AGBL4: variants seen among roughly 807,000 people sequenced by gnomAD.
The protein encoded by AGBL4 is AGBL carboxypeptidase 4.
In AGBL4, 58 loss-of-function variants were observed where a neutral mutation model predicts 66.4. The ratio of observed to expected loss-of-function variants is 0.87; its 90% CI spans 0.71 to 1.09. The LOEUF (loss-of-function observed/expected upper bound fraction) is 1.09, where lower values mean the gene tolerates loss of function less well. AGBL4 is among the 50% of genes least tolerant of loss of function. The pLI, the probability that AGBL4 is intolerant of heterozygous loss-of-function variation, is 0.00. For missense variants in AGBL4, 579 were observed against 631.0 expected, an observed-to-expected ratio of 0.92 and a Z score of 0.88; for synonymous variants, 234 against 222.9, an observed-to-expected ratio of 1.05 and a Z score of -0.44.
At chr1:49,595,785 T>C (rs775309747) in intron 3 of AGBL4, among the ~76,000 whole-genome samples, 8 of 152,206 alleles carry the variant, frequency 5.3e-5, no homozygotes, top group Non-Finnish European at 1.2e-4. Context: ...ATACAGTTTT[T>C]GTCAGCAACA....
At chr1:48,525,019 A>G in the AGBL4 span, among the ~76,000 whole-genome samples, 1 of 152,142 alleles carries the variant, frequency 6.6e-6, no homozygotes, top group Non-Finnish European at 1.5e-5. Flanking sequence ...CAGCATCACC[A>G]AAATGTTCTG....
intron 6 of AGBL4, among the ~76,000 whole-genome samples, chr1:48,750,576 T>G (rs1651544413): frequency 6.6e-6 from 1 of 152,206 alleles, no homozygotes; most frequent in Admixed American, 6.5e-5. Flanking sequence ...TGTCTGCTGT[T>G]GAGACTGTGA....
At position 49,215,100 on chromosome 1, in the gene AGBL4, T is replaced by G. The variant is rs188220930; in HGVS notation, c.377+30670A>C. On this transcript the variant is annotated intron_variant, in intron 4 of 13. Coordinates refer to ENST00000371839, the MANE Select transcript of AGBL4 (RefSeq NM_032785.4). ...TTATATGTAGATTCATGATTTTTTT[T>G]GTCTCTCAGGAGAGCCACAAGGAAC... 1.4e-4 allele frequency among the ~76,000 whole-genome samples: 21 copies of G among 152,258 alleles called. No homozygotes were observed. The East Asian group carries it at 3.9e-3, about 28-fold the overall frequency.
At chr1:49,625,855 G>A (rs1645454364) in intron 3 of AGBL4, among the ~76,000 whole-genome samples, 1 of 152,106 alleles carries the variant, frequency 6.6e-6, no homozygotes, top group Admixed American at 6.6e-5. Context: ...TATCAACAAA[G>A]GGGAATTTAA....
intron 2 of AGBL4, among the ~76,000 whole-genome samples, chr1:49,848,105 A>C (rs947924124): frequency 3.3e-5 from 5 of 152,212 alleles, no homozygotes; most frequent in Non-Finnish European, 7.3e-5. Flanking sequence ...ATTAAAAAGC[A>C]AAAAAATAAT....
chr1:49,938,305 G>C (rs1311728654), intron 1 of AGBL4, among the ~76,000 whole-genome samples: 2 of 152,088 alleles, frequency 1.3e-5, no homozygotes, highest in African/African-American at 4.8e-5. Flanking sequence ...GGAAGAAGTT[G>C]AATCCCTGAA....
chr1:48,745,619 C>A, intron 6 of AGBL4, among the ~76,000 whole-genome samples: 1 of 152,236 alleles, frequency 6.6e-6, no homozygotes, highest in South Asian at 2.1e-4. Flanking sequence ...AACATTCTAC[C>A]CCTAGAGATG....
chr1:49,911,872 T>A (rs1650869698), intron 1 of AGBL4, among the ~76,000 whole-genome samples: 1 of 152,214 alleles, frequency 6.6e-6, no homozygotes, highest in African/African-American at 2.4e-5. Context: ...CAGTGAATCT[T>A]AAAGTTGCCT....
At chr1:49,881,101 T>C (rs1034244145) in intron 1 of AGBL4, among the ~76,000 whole-genome samples, 78 of 152,250 alleles carry the variant, frequency 5.1e-4, no homozygotes, top group African/African-American at 1.8e-3. Context: ...CAGATGGAAA[T>C]GCAGAAATCA....
At position 49,847,762 on chromosome 1, in the gene AGBL4, C is replaced by T. The variant is rs530300712; in HGVS notation, c.157+3634G>A. Among the ~76,000 whole-genome samples, 54 of 150,544 alleles carry T rather than the reference C, an allele frequency of 3.6e-4. No homozygotes were observed. In the East Asian group the frequency reaches 7.8e-3, roughly 22 times the overall value. ...TGTCACCCAGGCTGGAGGGCAGTGG[C>T]GCGATCTCGGCTCACTGCAGGCTCC... On this transcript the variant is annotated intron_variant, in intron 2 of 13. Transcript: ENST00000371839.
intron 3 of AGBL4, among the ~76,000 whole-genome samples, chr1:49,329,676 A>T (rs1386180699): frequency 6.7e-6 from 1 of 149,898 alleles, no homozygotes; most frequent in Non-Finnish European, 1.5e-5. Context: ...CCCCGCCAAA[A>T]AAAAGCACAT....
At chr1:48,886,070 G>T (rs1165137187) in intron 5 of AGBL4, among the ~76,000 whole-genome samples, 5 of 152,186 alleles carry the variant, frequency 3.3e-5, no homozygotes, top group Admixed American at 2.0e-4. Context: ...GGAGAGAGAG[G>T]TCAGGTGGGG....
intron 6 of AGBL4, among the ~76,000 whole-genome samples, chr1:48,815,387 G>A (rs1316467612): frequency 6.6e-6 from 1 of 152,094 alleles, no homozygotes; most frequent in African/African-American, 2.4e-5. Flanking sequence ...AATTCAACCA[G>A]GGTGAGTAAA....
intron 3 of AGBL4, among the ~76,000 whole-genome samples, chr1:49,271,382 T>A (rs115056929): frequency 6.6e-6 from 1 of 152,124 alleles, no homozygotes; most frequent in African/African-American, 2.4e-5. Context: ...AAGGGTACTT[T>A]CGATTTAAAA....
At chr1:49,547,185 T>TGA (rs1652558810) in intron 3 of AGBL4, among the ~76,000 whole-genome samples, 2 of 152,220 alleles carry the variant, frequency 1.3e-5, no homozygotes, top group Admixed American at 1.3e-4. Context: ...TTTAATAAGG[T>TGA]GAGAGATGAG....
intron 6 of AGBL4, among the ~76,000 whole-genome samples, chr1:48,802,368 T>C (rs1456912486): frequency 1.3e-5 from 2 of 152,152 alleles, no homozygotes; most frequent in Non-Finnish European, 1.5e-5. Context: ...CATATGTCTA[T>C]GCCTACCCCA....
chr1:48,894,691 G>C (rs1050047927), intron 5 of AGBL4, among the ~76,000 whole-genome samples: 9 of 151,882 alleles, frequency 5.9e-5, no homozygotes, highest in Non-Finnish European at 1.2e-4. Context: ...TGGTTAGAGT[G>C]GGTAGATAAA....
chr1:48,638,134 C>T (rs1199206608), intron 8 of AGBL4, among the ~76,000 whole-genome samples: 1 of 152,170 alleles, frequency 6.6e-6, no homozygotes, highest in Non-Finnish European at 1.5e-5. Context: ...AAACTCACCA[C>T]CTTTCCAGTT....
intron 8 of AGBL4, among the ~76,000 whole-genome samples, chr1:48,651,955 G>A (rs1645937184): frequency 2.0e-5 from 3 of 152,210 alleles, no homozygotes; most frequent in Admixed American, 2.0e-4. Flanking sequence ...TGCTAGGCAT[G>A]AGGGACACAA....
Sources: allele counts gnomAD v4.1 joint callset (sites outside exome capture counted in the v4.1 genomes callset), GRCh38; gene constraint gnomAD v4.1.1; transcripts MANE v1.5; gene names NCBI Gene and HGNC (gene_info 2026-07-23, HGNC 2026-07-21).